GRB10: variants seen among roughly 807,000 people sequenced by gnomAD.
GRB10 encodes growth factor receptor bound protein 10.
In GRB10, 20 loss-of-function variants were observed where a neutral mutation model predicts 80.9. That is an observed-to-expected ratio of 0.25 (90% CI 0.17 to 0.36). GRB10 has a LOEUF of 0.36. Among genes scored for constraint, GRB10 ranks in the 10% least tolerant of loss-of-function variants. The pLI is 1.00. For missense variants in GRB10, 548 were observed against 747.7 expected (o/e 0.73, Z 3.12); for synonymous variants, 291 against 291.5 (o/e 1.00, Z 0.02).
intron 5 of GRB10, among the ~76,000 whole-genome samples, chr7:50,691,279 G>A (rs757158969): frequency 2.0e-5 from 3 of 152,112 alleles, no homozygotes; most frequent in Non-Finnish European, 2.9e-5. Flanking sequence ...AAGGAAGGAG[G>A]GCTAATCTAG....
rs981645308 is a variant in GRB10, at chr7:50,590,342, C to T, written c.*2610G>A. The T allele has an allele frequency of 6.6e-5, 10 of 152,216 alleles. No individual in the cohort carries two copies. The highest frequency in any genetic ancestry group is 2.0e-4 in the Admixed American group (3 of 15,282). The allele number at this position is 152,216 out of a possible 1,614,324, so 9.4% of individuals were successfully genotyped here. On this transcript the variant is annotated 3_prime_UTR_variant, in exon 19 of 19. Transcript: ENST00000401949. ...GCCAGCTTGCCCGCCCCCAGAAAGG[C>T]GCAGAGATCGGTCATACTGTCAGGT...
intron 17 of GRB10, among the ~76,000 whole-genome samples, chr7:50,599,005 T>G (rs1270953954): frequency 1.3e-5 from 2 of 149,992 alleles, no homozygotes; most frequent in African/African-American, 4.9e-5. Flanking sequence ...GGGGGTGGGG[T>G]GGGATTGTTT....
chr7:50,748,942 G>A (rs1205864666), intron 3 of GRB10, among the ~76,000 whole-genome samples: 1 of 152,158 alleles, frequency 6.6e-6, no homozygotes, highest in Non-Finnish European at 1.5e-5. Flanking sequence ...TTTATAAAGA[G>A]GTGCTACATT....
intron 5 of GRB10, among the ~76,000 whole-genome samples, chr7:50,690,393 A>C (rs2062676979): frequency 6.6e-6 from 1 of 152,240 alleles, no homozygotes; most frequent in South Asian, 2.1e-4. Flanking sequence ...TATAATACAG[A>C]CATTGGATTT....
intron 4 of GRB10, 100 bp downstream of exon 4, chr7:50,732,172 T>G: frequency 2.4e-6 from 3 of 1,231,244 alleles, no homozygotes; most frequent in Non-Finnish European, 3.6e-6. Flanking sequence ...CCTAGTGACC[T>G]GAGAGCTACA....
At chr7:50,747,817 G>A (rs898973745) in intron 3 of GRB10, among the ~76,000 whole-genome samples, 2 of 151,978 alleles carry the variant, frequency 1.3e-5, no homozygotes, top group Admixed American at 6.5e-5. Context: ...TGGAGACCTC[G>A]GGCCTGGGCA....
chr7:50,718,308 C>T (rs372952060), intron 4 of GRB10, among the ~76,000 whole-genome samples: 13 of 152,280 alleles, frequency 8.5e-5, no homozygotes, highest in African/African-American at 1.2e-4. Context: ...GCATTACCTT[C>T]ACCTCCCTGA....
chr7:50,703,616 G>A (rs184500082), intron 5 of GRB10, among the ~76,000 whole-genome samples: 2 of 152,338 alleles, frequency 1.3e-5, no homozygotes, highest in Admixed American at 1.3e-4. Flanking sequence ...GCTCACTGAA[G>A]TTTGCTAATT....
intron 3 of GRB10, among the ~76,000 whole-genome samples, chr7:50,741,020 A>G (rs953266956): frequency 1.1e-4 from 17 of 152,238 alleles, no homozygotes; most frequent in Non-Finnish European, 2.9e-5. Flanking sequence ...TAAAAGCATA[A>G]TTGATAATGA....
chr7:50,744,919 T>C (rs936666601), intron 3 of GRB10, among the ~76,000 whole-genome samples: 1 of 152,260 alleles, frequency 6.6e-6, no homozygotes, highest in African/African-American at 2.4e-5. Context: ...TGGGTTTTTT[T>C]ACATTTCTGT....
chr7:50,740,587 A>C (rs2071534185), intron 3 of GRB10, among the ~76,000 whole-genome samples: 1 of 152,236 alleles, frequency 6.6e-6, no homozygotes, highest in Non-Finnish European at 1.5e-5. Flanking sequence ...AGAAAAATAT[A>C]ATTGAGCAAT....
chr7:50,759,639 G>A (rs1435403721), intron 2 of GRB10, among the ~76,000 whole-genome samples: 1 of 152,074 alleles, frequency 6.6e-6, no homozygotes, highest in African/African-American at 2.4e-5. Flanking sequence ...TTTATGGGGG[G>A]ACTGAATATT....
chr7:50,701,399 C>G (rs1482960258), intron 5 of GRB10, among the ~76,000 whole-genome samples: 1 of 152,004 alleles, frequency 6.6e-6, no homozygotes, highest in African/African-American at 2.4e-5. Context: ...CGAGACAAGC[C>G]TGGGAAGCCT....
chr7:50,710,812 A>G, intron 4 of GRB10: 1 of 1,559,776 alleles, frequency 6.4e-7, no homozygotes, highest in Non-Finnish European at 8.8e-7. Flanking sequence ...TTAAAATAAC[A>G]TAAATAAAGG....
intron 7 of GRB10, among the ~76,000 whole-genome samples, chr7:50,648,300 C>T (rs774894544): frequency 4.6e-5 from 7 of 152,034 alleles, no homozygotes; most frequent in South Asian, 2.1e-4. Flanking sequence ...GCCCGGCAAG[C>T]GGAAGACAGA....
rs117673917 is a variant in GRB10 at position 50,753,017 on chromosome 7, A to G, written c.-47+2870T>C. On this transcript the variant is annotated intron_variant, in intron 3 of 18. Coordinates refer to ENST00000401949, the MANE Select transcript of GRB10 (RefSeq NM_001350814.2). ...TTCTGCCTCTCCCTCCTTGACCCCA[A>G]AACAAACAGGGCTGGCTCTTAGAGG... Among the ~76,000 whole-genome samples the G allele has an allele frequency of 9.0e-3, 1,377 of 152,318 alleles. 29 individuals are homozygous for G. The highest frequency in any genetic ancestry group is 0.041 in the Admixed American group (628 of 15,300).
chr7:50,632,438 T>C (rs2054173989), intron 7 of GRB10, among the ~76,000 whole-genome samples: 1 of 152,144 alleles, frequency 6.6e-6, no homozygotes, highest in African/African-American at 2.4e-5. Context: ...CCCAGGGCTA[T>C]GGAGATGAGA....
At chr7:50,603,635 C>G (rs2048001504) in intron 17 of GRB10, among the ~76,000 whole-genome samples, 1 of 152,196 alleles carries the variant, frequency 6.6e-6, no homozygotes, top group African/African-American at 2.4e-5. Flanking sequence ...TATTTGTTCT[C>G]AGCAAAACCA....
At chr7:50,608,678 T>A (rs938717254) in intron 13 of GRB10, among the ~76,000 whole-genome samples, 12 of 152,220 alleles carry the variant, frequency 7.9e-5, no homozygotes, top group African/African-American at 2.9e-4. Context: ...TCAAGGGGCA[T>A]GTTAGGCCGG....
Sources: allele counts gnomAD v4.1 joint callset (sites outside exome capture counted in the v4.1 genomes callset), GRCh38; gene constraint gnomAD v4.1.1; transcripts MANE v1.5; gene names NCBI Gene and HGNC (gene_info 2026-07-23, HGNC 2026-07-21).